The following DCAF6 variants were observed in gnomAD, a reference collection of about 807,000 sequenced individuals.
DCAF6 encodes DDB1- and CUL4-associated factor 6.
A neutral mutation model predicts 125.1 loss-of-function variants in DCAF6; 54 were observed. The observed-to-expected ratio is 0.43, with a 90% CI of 0.35 to 0.54. The LOEUF is 0.54. Among genes scored for constraint, DCAF6 ranks in the 20% least tolerant of loss-of-function variants. The pLI, the probability that DCAF6 is intolerant of heterozygous loss-of-function variation, is 0.01. For synonymous variants in DCAF6, 371 were observed against 390.4 expected, an observed-to-expected ratio of 0.95 and a Z score of 0.58; for missense variants, 934 against 1,161.7, an observed-to-expected ratio of 0.80 and a Z score of 2.85.
chr1:168,036,037 G>A (rs1687761787), intron 12 of DCAF6, among the ~76,000 whole-genome samples: 1 of 152,008 alleles, frequency 6.6e-6, no homozygotes, highest in Non-Finnish European at 1.5e-5. Context: ...ACTCCAGTCT[G>A]GGGAACAAAA....
At chr1:167,883,123 C>T in the DCAF6 span, among the ~76,000 whole-genome samples, 4 of 152,340 alleles carry the variant, frequency 2.6e-5, 1 homozygote, top group South Asian at 4.1e-4. Flanking sequence ...CTGCAACCTC[C>T]GCCTCTCAGG....
intron 7 of DCAF6, among the ~76,000 whole-genome samples, chr1:168,002,231 C>T (rs769370062): frequency 5.3e-5 from 8 of 152,034 alleles, no homozygotes; most frequent in Admixed American, 2.0e-4. Context: ...TACATGATTT[C>T]AAAGTTGCAT....
rs143093548 is a variant in DCAF6 at position 167,958,113 on chromosome 1, A to G, written c.159+6252A>G. On this transcript the variant is annotated intron_variant, in intron 2 of 21. Transcript: ENST00000367840. ...TGGGTTGTCTTTTTGCCTTCCTCAT[A>G]GTGTCCTTTAATGTACAAAAGTTTT... Among the ~76,000 whole-genome samples the G allele has an allele frequency of 3.5e-3, 530 of 152,236 alleles. 1 individual carries two copies. The highest frequency in any genetic ancestry group is 0.012 in the African/African-American group (495 of 41,552).
intron 17 of DCAF6, among the ~76,000 whole-genome samples, chr1:168,061,371 A>AT (rs1691575760): frequency 6.6e-6 from 1 of 152,210 alleles, no homozygotes; most frequent in African/African-American, 2.4e-5. Flanking sequence ...GAAGTATATA[A>AT]TTGTTACATA....
chr1:168,021,375 T>C (rs202264), intron 11 of DCAF6, among the ~76,000 whole-genome samples: 103 of 152,294 alleles, frequency 6.8e-4, no homozygotes, highest in African/African-American at 2.3e-3. Flanking sequence ...TTTATTTCAC[T>C]GTGAGTCACA....
At chr1:167,937,854 T>G (rs1671562277) in intron 1 of DCAF6, among the ~76,000 whole-genome samples, 1 of 152,168 alleles carries the variant, frequency 6.6e-6, no homozygotes, top group African/African-American at 2.4e-5. Context: ...TGTATACTCT[T>G]CATTACTCTT....
intron 4 of DCAF6, among the ~76,000 whole-genome samples, chr1:167,980,319 T>A (rs1678906215): frequency 6.6e-6 from 1 of 152,184 alleles, no homozygotes; most frequent in African/African-American, 2.4e-5. Context: ...CGTTTCCAGT[T>A]TTTTCGGATC....
the DCAF6 span, among the ~76,000 whole-genome samples, chr1:167,887,267 T>A: frequency 6.6e-6 from 1 of 152,188 alleles, no homozygotes; most frequent in African/African-American, 2.4e-5. Context: ...TGTGGCACTA[T>A]TCACAATAGC....
At chr1:168,048,074 A>G (rs1377200587) in intron 16 of DCAF6, among the ~76,000 whole-genome samples, 1 of 152,168 alleles carries the variant, frequency 6.6e-6, no homozygotes, top group Non-Finnish European at 1.5e-5. Flanking sequence ...CATGAAAAGA[A>G]TCACTTACCA....
intron 12 of DCAF6, among the ~76,000 whole-genome samples, chr1:168,035,769 A>G (rs549558496): frequency 1.3e-5 from 2 of 152,306 alleles, no homozygotes; most frequent in Admixed American, 1.3e-4. Flanking sequence ...GAGATTAAAT[A>G]AGAACTCTGT....
Position 167,966,663 on chromosome 1 carries a change from A to G in DCAF6, c.194A>G (p.Tyr65Cys). The change falls in exon 3 of 22, where the codon TAT becomes TGT. Residue 65 changes from tyrosine to cysteine, a missense_variant. This residue lies in a region of DCAF6 where 309 missense variants were observed against 381.2 expected (regional missense o/e 0.81). Transcript: ENST00000367840. ...ATCTGTTGGAATGACACTGGAGAAT[A>G]TATTTTATCTGGCTCAGATGACACC... is the stretch of plus-strand genomic sequence containing the variant. ...NTICWNDTGE[Y>C]ILSGSDDTKL... 1.9e-6 allele frequency: 3 copies of G among 1,605,500 alleles called. No individual in the cohort carries two copies. Among genetic ancestry groups the G allele is most frequent in the Non-Finnish European group, 1.7e-6 (2 of 1,172,788 alleles).
the DCAF6 span, among the ~76,000 whole-genome samples, chr1:167,896,870 C>G: frequency 2.6e-5 from 4 of 152,244 alleles, no homozygotes; most frequent in African/African-American, 7.2e-5. Context: ...AAAAATCTTT[C>G]CAATTACAGT....
chr1:168,054,733 T>A (rs1690394566), intron 17 of DCAF6, among the ~76,000 whole-genome samples: 2 of 152,156 alleles, frequency 1.3e-5, no homozygotes, highest in South Asian at 4.1e-4. Flanking sequence ...AAGATTCAAA[T>A]TAATGAGGTT....
intron 10 of DCAF6, among the ~76,000 whole-genome samples, chr1:168,009,999 A>T (rs1684063701): frequency 6.6e-6 from 1 of 152,106 alleles, no homozygotes; most frequent in Admixed American, 6.5e-5. Flanking sequence ...TATAGACTAG[A>T]TAGGGTATAT....
chr1:168,037,103 C>CTTTT (rs752448825), intron 12 of DCAF6, among the ~76,000 whole-genome samples: 1 of 148,274 alleles, frequency 6.7e-6, no homozygotes, highest in African/African-American at 2.5e-5. Flanking sequence ...TTCTCCCCCC[C>CTTTT]CTTTTTTTTT....
At chr1:167,874,305 T>C in the DCAF6 span, among the ~76,000 whole-genome samples, 1 of 152,122 alleles carries the variant, frequency 6.6e-6, no homozygotes, top group Non-Finnish European at 1.5e-5. Context: ...TACTCCAGCC[T>C]GGGCAACAGA....
the DCAF6 span, among the ~76,000 whole-genome samples, chr1:167,900,387 C>T: frequency 6.6e-6 from 1 of 152,180 alleles, no homozygotes; most frequent in African/African-American, 2.4e-5. Context: ...ACCCACCTCA[C>T]TAACAGCCAA....
At chr1:167,864,606 A>G in the DCAF6 span, among the ~76,000 whole-genome samples, 33 of 152,192 alleles carry the variant, frequency 2.2e-4, no homozygotes, top group African/African-American at 7.7e-4. Flanking sequence ...AGGGAGAGAG[A>G]GAGACAGAAA....
At chr1:167,945,191 C>G (rs1204325117) in intron 1 of DCAF6, among the ~76,000 whole-genome samples, 2 of 152,102 alleles carry the variant, frequency 1.3e-5, no homozygotes, top group Non-Finnish European at 2.9e-5. Context: ...CTCAGCATTG[C>G]TTTGGCTATT....
Sources: allele counts gnomAD v4.1 joint callset (sites outside exome capture counted in the v4.1 genomes callset), GRCh38; gene constraint gnomAD v4.1.1; regional missense constraint gnomAD v4.1.1; transcripts MANE v1.5; gene names NCBI Gene and HGNC (gene_info 2026-07-23, HGNC 2026-07-21).